Variants in AFF3 observed in about 807,000 individuals in gnomAD.
AFF3 encodes ALF transcription elongation factor 3.
A neutral mutation model predicts 129.7 loss-of-function variants in AFF3; 32 were observed. The ratio of observed to expected loss-of-function variants is 0.25; its 90% CI spans 0.19 to 0.33. AFF3 has a LOEUF of 0.33. Ranked by LOEUF, AFF3 falls within the 10% of genes least tolerant of loss-of-function variation. The probability of loss-of-function intolerance (pLI) is 1.00; values close to 1 mark genes in which losing one functional copy is unlikely to be tolerated. For missense variants in AFF3, 1,373 were observed against 1,592.0 expected (o/e 0.86, Z 2.34); for synonymous variants, 644 against 635.4 (o/e 1.01, Z -0.20).
chr2:99,676,110 C>A (rs1687583149), intron 11 of AFF3, among the ~76,000 whole-genome samples: 2 of 151,950 alleles, frequency 1.3e-5, no homozygotes, highest in Non-Finnish European at 2.9e-5. Flanking sequence ...CCATCCACAG[C>A]ACCCTGGTTA....
At chr2:99,953,213 C>T (rs1353442527) in intron 7 of AFF3, among the ~76,000 whole-genome samples, 1 of 152,168 alleles carries the variant, frequency 6.6e-6, no homozygotes, top group Non-Finnish European at 1.5e-5. Flanking sequence ...GGATGGGGGA[C>T]TGGGACGGAC....
At chr2:99,726,937 A>G in intron 11 of AFF3, 140 bp downstream of exon 11, 1 of 771,656 alleles carries the variant, frequency 1.3e-6, no homozygotes. Context: ...CAAAGCATTT[A>G]GAAAGACATT....
chr2:100,140,401 C>T (rs972987358), intron 1 of AFF3, among the ~76,000 whole-genome samples: 14 of 152,184 alleles, frequency 9.2e-5, no homozygotes, highest in Non-Finnish European at 4.4e-5. Flanking sequence ...CTCTCTGAAA[C>T]TGGACGTCCT....
intron 10 of AFF3, among the ~76,000 whole-genome samples, chr2:99,728,958 G>T (rs1366020500): frequency 6.6e-6 from 1 of 151,994 alleles, no homozygotes; most frequent in Non-Finnish European, 1.5e-5. Flanking sequence ...TTTTTCCATG[G>T]ACTAACCACA....
chr2:99,953,660 C>T (rs898014954), intron 7 of AFF3, among the ~76,000 whole-genome samples: 3 of 152,108 alleles, frequency 2.0e-5, no homozygotes, highest in East Asian at 1.9e-4. Context: ...TATTGTAATA[C>T]CCATTCTGGG....
At chr2:99,843,201 T>A (rs552650533) in intron 7 of AFF3, among the ~76,000 whole-genome samples, 1 of 152,326 alleles carries the variant, frequency 6.6e-6, no homozygotes, top group African/African-American at 2.4e-5. Flanking sequence ...CCATGGGAAG[T>A]CCATCCCTAC....
At chr2:99,852,992 GA>G (rs1240864661) in intron 7 of AFF3, among the ~76,000 whole-genome samples, 2 of 151,992 alleles carry the variant, frequency 1.3e-5, no homozygotes, top group East Asian at 1.9e-4. Context: ...AAAAGGTAGA[GA>G]AAAAAACATC....
At chr2:99,628,823 C>T (rs747793539) in intron 13 of AFF3, among the ~76,000 whole-genome samples, 67 of 146,542 alleles carry the variant, frequency 4.6e-4, no homozygotes, top group African/African-American at 1.5e-3. Flanking sequence ...CGTGTTCAAG[C>T]GATTCTCCTG....
intron 13 of AFF3, among the ~76,000 whole-genome samples, chr2:99,616,061 G>C (rs536943491): frequency 3.3e-5 from 5 of 152,278 alleles, no homozygotes; most frequent in Non-Finnish European, 2.9e-5. Context: ...AAATCATGTT[G>C]AGGGCACCTC....
chr2:99,781,186 T>C (rs1684380120), intron 8 of AFF3, among the ~76,000 whole-genome samples: 1 of 152,180 alleles, frequency 6.6e-6, no homozygotes, highest in African/African-American at 2.4e-5. Context: ...CTGTCCACCC[T>C]TCTCCATGTC....
At chr2:100,064,569 G>A (rs988344869) in intron 4 of AFF3, among the ~76,000 whole-genome samples, 1 of 152,222 alleles carries the variant, frequency 6.6e-6, no homozygotes, top group Admixed American at 6.5e-5. Context: ...AGAGAGACAT[G>A]TGAGTTAGCC....
rs191611925 is a variant in AFF3, at chr2:99,774,468, C to A, written c.922-22167G>T. ...CCACAATCATCTGATCTTTGACAAACCTGACAAAAACAAGCAACGGAGAAA... is the reference window on the plus strand; with the variant it reads ...CCACAATCATCTGATCTTTGACAAAACTGACAAAAACAAGCAACGGAGAAA... On this transcript the variant is annotated intron_variant, in intron 8 of 24. Transcript: ENST00000672756. Among the ~76,000 whole-genome samples the A allele has an allele frequency of 9.3e-4, 141 of 152,156 alleles. 1 individual carries two copies. The highest frequency in any genetic ancestry group is 1.6e-3 in the Non-Finnish European group (107 of 67,998).
chr2:99,939,667 A>C (rs1378316798), intron 7 of AFF3, among the ~76,000 whole-genome samples: 1 of 152,210 alleles, frequency 6.6e-6, no homozygotes, highest in Non-Finnish European at 1.5e-5. Context: ...TAGTTGTCTT[A>C]CTCTGAACTC....
At chr2:99,878,180 A>G (rs753229199) in intron 7 of AFF3, among the ~76,000 whole-genome samples, 7 of 152,224 alleles carry the variant, frequency 4.6e-5, no homozygotes, top group Non-Finnish European at 8.8e-5. Flanking sequence ...CCTAACCTCG[A>G]TGGCAATATT....
At chr2:100,084,870 AAAGAG>A (rs1217746995) in intron 4 of AFF3, among the ~76,000 whole-genome samples, 1 of 147,748 alleles carries the variant, frequency 6.8e-6, no homozygotes, top group African/African-American at 2.5e-5. Context: ...AAAGTTCCAT[AAAGAG>A]AATTCACTTT....
chr2:99,931,726 T>C (rs905065606), intron 7 of AFF3, among the ~76,000 whole-genome samples: 5 of 152,172 alleles, frequency 3.3e-5, no homozygotes, highest in Non-Finnish European at 5.9e-5. Context: ...CTGGCCAACA[T>C]GATAGAACCC....
intron 11 of AFF3, among the ~76,000 whole-genome samples, chr2:99,711,069 T>C (rs978358143): frequency 2.0e-5 from 3 of 151,984 alleles, no homozygotes; most frequent in Non-Finnish European, 4.4e-5. Context: ...CTCCCCAGCC[T>C]CCTCACAGCC....
intron 4 of AFF3, among the ~76,000 whole-genome samples, chr2:100,072,930 C>T (rs1273132577): frequency 6.6e-6 from 1 of 152,130 alleles, no homozygotes; most frequent in Non-Finnish European, 1.5e-5. Context: ...CTAGTTCACT[C>T]GTTGATTAAA....
intron 1 of AFF3, among the ~76,000 whole-genome samples, chr2:100,141,298 T>C (rs145124452): frequency 2.6e-5 from 4 of 152,368 alleles, no homozygotes; most frequent in African/African-American, 9.6e-5. Context: ...AAACACTAAG[T>C]GCAGTTACGC....
Sources: gnomAD v4.1 joint callset for allele counts (sites outside exome capture counted in the v4.1 genomes callset) on GRCh38, gnomAD v4.1.1 for gene constraint, MANE v1.5 for transcripts, NCBI Gene and HGNC (gene_info 2026-07-23, HGNC 2026-07-21) for gene names.